The following BCAR3 variants were observed in gnomAD, a reference collection of about 807,000 sequenced individuals.
BCAR3 encodes BCAR3 adaptor protein, NSP family member.
Under a neutral mutation model 80.1 loss-of-function variants are expected in BCAR3, and 37 were observed. The ratio of observed to expected loss-of-function variants is 0.46; its 90% confidence interval spans 0.36 to 0.61. The LOEUF is 0.61. BCAR3 is among the 20% of genes least tolerant of loss of function. The pLI is 0.00. For synonymous variants in BCAR3, 389 were observed against 418.9 expected (o/e 0.93, Z 0.87); for missense variants, 978 against 1,068.2 (o/e 0.92, Z 1.18).
chr1:93,701,289 C>T (rs1557659537), intron 3 of BCAR3, among the ~76,000 whole-genome samples: 1 of 152,176 alleles, frequency 6.6e-6, no homozygotes, highest in Non-Finnish European at 1.5e-5. Context: ...CACTGGTTCC[C>T]TTATTGAGCT....
chr1:93,714,612 C>G (rs1650134091), intron 2 of BCAR3, among the ~76,000 whole-genome samples: 1 of 152,120 alleles, frequency 6.6e-6, no homozygotes, highest in African/African-American at 2.4e-5. Flanking sequence ...ATGAATTCAT[C>G]AAATCCCTCT....
At chr1:93,736,090 AT>A (rs1650961132) in intron 2 of BCAR3, among the ~76,000 whole-genome samples, 1 of 152,266 alleles carries the variant, frequency 6.6e-6, no homozygotes, top group Admixed American at 6.5e-5. Context: ...AGCTAGTATA[AT>A]TATTGAATTA....
In BCAR3 at chr1:93,640,670, A is replaced by G. The variant is rs140908293; in HGVS notation, c.357+1634T>C. Among the ~76,000 whole-genome samples the G allele has an allele frequency of 4.7e-3, 709 of 152,348 alleles. 11 individuals carry two copies. Among genetic ancestry groups the G allele is most frequent in the African/African-American group, 0.016 (683 of 41,572 alleles). ...TCTTTGTCAATACCACTCAACTCAC[A>G]ATGATTGATATTCATAAATGAGATG... On this transcript the variant is annotated intron_variant, in intron 3 of 11. Coordinates refer to ENST00000260502, the MANE Select transcript of BCAR3 (RefSeq NM_003567.4).
chr1:93,693,498 A>G (rs2101965527), intron 3 of BCAR3, among the ~76,000 whole-genome samples: 1 of 152,282 alleles, frequency 6.6e-6, no homozygotes, highest in African/African-American at 2.4e-5. Flanking sequence ...TGAGTGAACA[A>G]TCCTCGCATA....
chr1:93,641,154 A>G (rs547075253), intron 3 of BCAR3, among the ~76,000 whole-genome samples: 1 of 152,230 alleles, frequency 6.6e-6, no homozygotes. Context: ...ATTCAGGTAT[A>G]AGAGATGGGA....
chr1:93,668,400 G>A (rs948279283), intron 2 of BCAR3, among the ~76,000 whole-genome samples: 36 of 152,188 alleles, frequency 2.4e-4, no homozygotes, highest in Admixed American at 6.5e-5. Flanking sequence ...CAGGAGCAGC[G>A]CAAGATGCAG....
intron 2 of BCAR3, among the ~76,000 whole-genome samples, chr1:93,783,962 G>A (rs929746395): frequency 2.6e-5 from 4 of 152,146 alleles, no homozygotes; most frequent in Non-Finnish European, 5.9e-5. Context: ...TTTCTCTCTT[G>A]CGATGTTTAC....
intron 2 of BCAR3, chr1:93,753,686 C>G (rs1467596820): frequency 6.6e-6 from 1 of 151,884 alleles, no homozygotes; most frequent in Non-Finnish European, 1.5e-5. Flanking sequence ...TTCTGACTAT[C>G]TAAAGACCAG....
At chr1:93,688,877 T>C (rs1243196112) in intron 3 of BCAR3, among the ~76,000 whole-genome samples, 1 of 152,224 alleles carries the variant, frequency 6.6e-6, no homozygotes, top group African/African-American at 2.4e-5. Context: ...CCTCAGGTGA[T>C]CTGCCCACCT....
intron 2 of BCAR3, chr1:93,775,340 A>G (rs11164982): frequency 0.12 from 17,813 of 152,146 alleles, 1,466 homozygotes; most frequent in African/African-American, 0.22. Flanking sequence ...GAGTGCTCTC[A>G]GAGAGGCACA....
At chr1:93,827,683 C>T (rs747189805) in intron 2 of BCAR3, among the ~76,000 whole-genome samples, 17 of 150,242 alleles carry the variant, frequency 1.1e-4, no homozygotes, top group Non-Finnish European at 2.4e-4. Flanking sequence ...TTCTTGTAAA[C>T]GCATCTAAAA....
chr1:93,589,233 C>G lies in BCAR3; in HGVS notation c.673G>C (p.Asp225His). Residue 225 changes from aspartate to histidine, a missense_variant, in exon 5 of 12, where the codon GAC (aspartate) becomes CAC (histidine). Asp to His is a moderately conservative substitution (Grantham distance 81). Transcript: ENST00000260502. ...CAGCGCACCAGGCCGGGGATGGAGTCGAAGCTCTCCATCTCGAACTGGTAC... is the reference window on the plus strand; with the variant it reads ...CAGCGCACCAGGCCGGGGATGGAGTGGAAGCTCTCCATCTCGAACTGGTAC... ...VQYQFEMESF[D>H]SIPGLVRCYV... is the part of the protein sequence containing the mutation. 1 of 1,614,036 alleles carries G rather than the reference C, an allele frequency of 6.2e-7. No homozygotes were observed. The highest frequency in any genetic ancestry group is 8.5e-7 in the Non-Finnish European group (1 of 1,180,018).
chr1:93,807,786 C>T (rs2100798725), intron 2 of BCAR3, among the ~76,000 whole-genome samples: 1 of 152,196 alleles, frequency 6.6e-6, no homozygotes, highest in Non-Finnish European at 1.5e-5. Flanking sequence ...GTAATCTCAA[C>T]ACTTTTGATG....
chr1:93,837,850 C>T (rs1654822526), intron 2 of BCAR3, among the ~76,000 whole-genome samples: 1 of 152,182 alleles, frequency 6.6e-6, no homozygotes, highest in Admixed American at 6.5e-5. Flanking sequence ...TGGGCTCTGG[C>T]CCTTACTTCA....
At chr1:93,572,431 G>C (rs1469708241) in intron 8 of BCAR3, among the ~76,000 whole-genome samples, 2 of 152,246 alleles carry the variant, frequency 1.3e-5, no homozygotes, top group South Asian at 2.1e-4. Context: ...TTGAATAGTT[G>C]ATGGGCTGGA....
chr1:93,706,830 C>T (rs1386175999), intron 2 of BCAR3, among the ~76,000 whole-genome samples: 1 of 152,204 alleles, frequency 6.6e-6, no homozygotes, highest in African/African-American at 2.4e-5. Flanking sequence ...TCTATAGCAA[C>T]ATGGGAATCC....
chr1:93,669,110 A>T (rs890361727), intron 2 of BCAR3, among the ~76,000 whole-genome samples: 6 of 152,330 alleles, frequency 3.9e-5, no homozygotes, highest in Admixed American at 2.6e-4. Context: ...GGGTATAAAT[A>T]AACTGCAGAT....
chr1:93,745,678 G>A (rs1235117914), intron 2 of BCAR3, among the ~76,000 whole-genome samples: 1 of 152,150 alleles, frequency 6.6e-6, no homozygotes, highest in African/African-American at 2.4e-5. Flanking sequence ...GGGTGGGGAG[G>A]CAGGGGTAGC....
chr1:93,590,803 A>G (rs1275596242), intron 4 of BCAR3, among the ~76,000 whole-genome samples: 4 of 152,246 alleles, frequency 2.6e-5, no homozygotes, highest in Non-Finnish European at 5.9e-5. Flanking sequence ...AGAGTATTAG[A>G]AACACCCTAT....
Sources: allele counts gnomAD v4.1 joint callset (sites outside exome capture counted in the v4.1 genomes callset), GRCh38; gene constraint gnomAD v4.1.1; transcripts MANE v1.5; gene names NCBI Gene and HGNC (gene_info 2026-07-23, HGNC 2026-07-21).